LRRC4C: variants seen among roughly 807,000 people sequenced by gnomAD.
LRRC4C encodes leucine-rich repeat-containing protein 4C.
A neutral mutation model predicts 33.6 loss-of-function variants in LRRC4C; 5 were observed. The ratio of observed to expected loss-of-function variants is 0.15; its 90% confidence interval spans 0.08 to 0.31. The LOEUF is 0.31. Among genes scored for constraint, LRRC4C ranks in the 10% least tolerant of loss-of-function variants. The pLI is 1.00. For missense variants in LRRC4C, 560 were observed against 796.7 expected, an observed-to-expected ratio of 0.70 and a Z score of 3.58; for synonymous variants, 329 against 302.0, an observed-to-expected ratio of 1.09 and a Z score of -0.93.
At chr11:40,657,127 T>C (rs1310023581) in intron 2 of LRRC4C, among the ~76,000 whole-genome samples, 19 of 152,200 alleles carry the variant, frequency 1.2e-4, no homozygotes, top group Non-Finnish European at 2.1e-4. Context: ...GAATGAATCA[T>C]TGTTTAACAG....
chr11:40,582,517 T>G (rs1033774507), intron 3 of LRRC4C, among the ~76,000 whole-genome samples: 7 of 146,228 alleles, frequency 4.8e-5, no homozygotes, highest in Non-Finnish European at 9.0e-5. Flanking sequence ...TGTTCAGTTT[T>G]TTTTTTTTTT....
intron 4 of LRRC4C, among the ~76,000 whole-genome samples, chr11:40,299,681 G>C (rs779232260): frequency 6.6e-6 from 1 of 152,214 alleles, no homozygotes; most frequent in Non-Finnish European, 1.5e-5. Flanking sequence ...GACCTATGTT[G>C]CTTAACACAG....
At chr11:41,061,617 A>C (rs1219071994) in intron 1 of LRRC4C, among the ~76,000 whole-genome samples, 1 of 152,204 alleles carries the variant, frequency 6.6e-6, no homozygotes, top group African/African-American at 2.4e-5. Flanking sequence ...TTCTAAATCA[A>C]GTATCTAGTT....
At chr11:40,206,356 C>T (rs983484789) in intron 5 of LRRC4C, among the ~76,000 whole-genome samples, 13 of 152,098 alleles carry the variant, frequency 8.5e-5, no homozygotes, top group Non-Finnish European at 1.5e-4. Flanking sequence ...CTGCCTCAGC[C>T]TGCCGAGTAC....
At position 41,218,879 on chromosome 11, in the gene LRRC4C, T is replaced by C. The variant is rs565607974; in HGVS notation, c.-496+240552A>G. On this transcript the variant is annotated intron_variant, in intron 1 of 6. Coordinates refer to ENST00000528697, the MANE Select transcript of LRRC4C (RefSeq NM_001258419.2). ...GCCTCCTGAATTCACGCCATTCTCCTGCCTCAGCCTCCAGAGTAGCTGGGA... is the reference window on the plus strand; with the variant it reads ...GCCTCCTGAATTCACGCCATTCTCCCGCCTCAGCCTCCAGAGTAGCTGGGA... Among the ~76,000 whole-genome samples the C allele has an allele frequency of 2.7e-4, 40 of 149,114 alleles. No homozygotes were observed. The East Asian group carries it at 8.1e-3, about 30-fold the overall frequency.
At chr11:40,984,384 A>AAAGAAAGAAAGC (rs1852809906) in intron 1 of LRRC4C, among the ~76,000 whole-genome samples, 2 of 86,198 alleles carry the variant, frequency 2.3e-5, no homozygotes, top group Non-Finnish European at 5.4e-5. Context: ...AGAAAGAAAG[A>AAAGAAAGAAAGC]AAGAAAGAAA....
chr11:41,159,307 A>T (rs560161701), intron 1 of LRRC4C, among the ~76,000 whole-genome samples: 1 of 152,252 alleles, frequency 6.6e-6, no homozygotes, highest in Middle Eastern at 3.4e-3. Context: ...AAATAAATAC[A>T]TAAAAATAAA....
intron 4 of LRRC4C, among the ~76,000 whole-genome samples, chr11:40,303,053 C>T (rs1901582): frequency 0.096 from 14,633 of 151,794 alleles, 880 homozygotes; most frequent in African/African-American, 0.16. Context: ...TTTTTTCGAA[C>T]GGTAAAGGAA....
chr11:40,518,206 A>G (rs1280209853), intron 3 of LRRC4C, among the ~76,000 whole-genome samples: 2 of 152,172 alleles, frequency 1.3e-5, no homozygotes, highest in African/African-American at 4.8e-5. Context: ...ATAGGCAACA[A>G]CTTCATGACA....
At chr11:40,563,398 A>G (rs558588812) in intron 3 of LRRC4C, among the ~76,000 whole-genome samples, 2 of 152,250 alleles carry the variant, frequency 1.3e-5, no homozygotes, top group South Asian at 4.2e-4. Flanking sequence ...GAGATGATTC[A>G]AACACTGGAA....
chr11:40,865,471 G>T (rs1043135994), intron 2 of LRRC4C, among the ~76,000 whole-genome samples: 2 of 150,802 alleles, frequency 1.3e-5, no homozygotes, highest in Non-Finnish European at 2.9e-5. Flanking sequence ...TATGAGGCAA[G>T]GCATATGCTC....
At chr11:40,156,793 A>G (rs1858733302) in intron 5 of LRRC4C, among the ~76,000 whole-genome samples, 1 of 152,212 alleles carries the variant, frequency 6.6e-6, no homozygotes, top group African/African-American at 2.4e-5. Flanking sequence ...AACACATCCC[A>G]TGCTCATGGA....
At chr11:40,815,501 T>C (rs537688368) in intron 2 of LRRC4C, among the ~76,000 whole-genome samples, 28 of 152,316 alleles carry the variant, frequency 1.8e-4, no homozygotes, top group African/African-American at 6.7e-4. Context: ...AAGTCAGTAA[T>C]TTTTTACCTT....
chr11:41,053,652 A>G (rs1858416570), intron 1 of LRRC4C, among the ~76,000 whole-genome samples: 1 of 152,234 alleles, frequency 6.6e-6, no homozygotes, highest in African/African-American at 2.4e-5. Flanking sequence ...TGAGTCAACT[A>G]TACTTAATTG....
chr11:40,534,925 A>C (rs1023687565), intron 3 of LRRC4C, among the ~76,000 whole-genome samples: 71 of 152,326 alleles, frequency 4.7e-4, no homozygotes, highest in African/African-American at 1.6e-3. Flanking sequence ...ATGATCTCAG[A>C]GCAAACAGTA....
At chr11:40,665,043 C>T (rs929425026) in intron 2 of LRRC4C, among the ~76,000 whole-genome samples, 4 of 150,044 alleles carry the variant, frequency 2.7e-5, no homozygotes, top group African/African-American at 7.4e-5. Context: ...TTTGTCCTTG[C>T]GGTAGTTTGC....
chr11:41,074,752 C>A (rs1264929543), intron 1 of LRRC4C, among the ~76,000 whole-genome samples: 1 of 152,084 alleles, frequency 6.6e-6, no homozygotes, highest in Admixed American at 6.5e-5. Context: ...AATTTAAGAG[C>A]CAACCCTCTG....
chr11:41,389,017 T>C (rs1953474767), intron 1 of LRRC4C, among the ~76,000 whole-genome samples: 1 of 151,806 alleles, frequency 6.6e-6, no homozygotes, highest in African/African-American at 2.4e-5. Context: ...ATCTACAGTC[T>C]GGCTAGGAAG....
intron 5 of LRRC4C, among the ~76,000 whole-genome samples, chr11:40,175,056 A>C (rs927553007): frequency 1.3e-5 from 2 of 152,208 alleles, no homozygotes; most frequent in African/African-American, 4.8e-5. Flanking sequence ...CTACATGAAT[A>C]CATCTAGCTC....
Sources: allele counts gnomAD v4.1 joint callset (sites outside exome capture counted in the v4.1 genomes callset), GRCh38; gene constraint gnomAD v4.1.1; transcripts MANE v1.5; gene names NCBI Gene and HGNC (gene_info 2026-07-23, HGNC 2026-07-21).